Variants in TAX1BP1 observed in about 807,000 individuals in gnomAD.
The protein encoded by TAX1BP1 is tax1-binding protein 1.
A neutral mutation model predicts 97.7 loss-of-function variants in TAX1BP1; 62 were observed. The ratio of observed to expected loss-of-function variants is 0.63; its 90% CI spans 0.52 to 0.78. The LOEUF (loss-of-function observed/expected upper bound fraction) is 0.78. Among genes scored for constraint, TAX1BP1 ranks in the 30% least tolerant of loss-of-function variants. The pLI, the probability that TAX1BP1 is intolerant of heterozygous loss-of-function variation, is 0.00. For synonymous variants in TAX1BP1, 340 were observed against 304.2 expected (o/e 1.12, Z -1.23); for missense variants, 867 against 916.1 (o/e 0.95, Z 0.69).
chr7:27,817,075 T>A, intron 15 of TAX1BP1, 37 bp downstream of exon 15: 1 of 1,585,472 alleles, frequency 6.3e-7, no homozygotes, highest in Non-Finnish European at 8.5e-7. Flanking sequence ...CTGTCCCTTT[T>A]TTATTTTTTA....
At chr7:27,740,538 G>A (rs1474865414) in intron 1 of TAX1BP1, 1 of 152,356 alleles carries the variant, frequency 6.6e-6, no homozygotes, top group African/African-American at 2.4e-5. Flanking sequence ...GAGGCCCGTG[G>A]GACAGGCCTT....
intron 5 of TAX1BP1, chr7:27,772,453 C>T (rs1788881897): frequency 6.6e-6 from 1 of 152,006 alleles, no homozygotes; most frequent in African/African-American, 2.4e-5. Context: ...ATGTAATAAG[C>T]AGAGACCTTC....
chr7:27,812,026 T>TG (rs1257078855), intron 13 of TAX1BP1, among the ~76,000 whole-genome samples: 1 of 152,226 alleles, frequency 6.6e-6, no homozygotes, highest in African/African-American at 2.4e-5. Context: ...GGAGTGGAAT[T>TG]GCGGGCTTAT....
intron 5 of TAX1BP1, among the ~76,000 whole-genome samples, chr7:27,780,422 C>T (rs933322771): frequency 3.3e-5 from 5 of 152,120 alleles, no homozygotes; most frequent in Admixed American, 1.3e-4. Flanking sequence ...CTCATGTGAA[C>T]GAGCCTTATA....
chr7:27,816,799 G>T, intron 14 of TAX1BP1, 91 bp from the exon 15 acceptor site: 2 of 1,469,108 alleles, frequency 1.4e-6, no homozygotes, highest in Non-Finnish European at 1.8e-6. Context: ...ATGCCAAAGT[G>T]GTTCTTTATA....
At chr7:27,790,384 G>T (rs147697049) in intron 8 of TAX1BP1, among the ~76,000 whole-genome samples, 1 of 151,660 alleles carries the variant, frequency 6.6e-6, no homozygotes, top group Non-Finnish European at 1.5e-5. Flanking sequence ...TTTATAATCC[G>T]TAGAATAAGT....
At position 27,769,832 on chromosome 7, in the gene TAX1BP1, A is replaced by G; in HGVS notation, c.610A>G (p.Lys204Glu). 1 of 1,611,740 alleles carries G rather than the reference A, an allele frequency of 6.2e-7. No individual in the cohort carries two copies. Among genetic ancestry groups the G allele is most frequent in the Non-Finnish European group, 8.5e-7 (1 of 1,178,514 alleles). ...ERCDQLQAEQ[K>E]GLTEVTQSLK... ...ATGTGACCAACTGCAAGCAGAACAA[A>G]AGGTTAGTTGTGTCTTATGTAACTG... Residue 204 changes from lysine (K) to glutamate (E), a missense_variant and splice_region_variant, in exon 5 of 17, where the codon AAG becomes GAG. Lys to Glu is a moderately conservative substitution (Grantham distance 56). Around this residue, in one of 3 missense-constraint regions of TAX1BP1, gnomAD observed 822 missense variants for 851.4 expected, o/e 0.97. Transcript: ENST00000396319.
intron 13 of TAX1BP1, among the ~76,000 whole-genome samples, chr7:27,810,227 T>C (rs1790505984): frequency 6.6e-6 from 1 of 150,722 alleles, no homozygotes; most frequent in Non-Finnish European, 1.5e-5. Context: ...TTTTGAATCG[T>C]GTTTGAAATG....
intron 13 of TAX1BP1, chr7:27,803,193 G>A (rs745894116): frequency 1.3e-5 from 20 of 1,520,182 alleles, no homozygotes; most frequent in Non-Finnish European, 1.7e-5. Context: ...ATTGAGCAAT[G>A]TAGTTAAACA....
At position 27,742,168 on chromosome 7, in the gene TAX1BP1, C is replaced by T. The variant is rs185902677; in HGVS notation, c.-8+1899C>T. Among the ~76,000 whole-genome samples, 1,469 of 152,270 alleles carry T rather than the reference C, an allele frequency of 9.6e-3. 16 individuals carry two copies. The highest frequency in any genetic ancestry group is 0.03 in the African/African-American group (1,226 of 41,544). ...TCTCAACTGCAAGAGGCATGCCTTC[C>T]TCTTATACTAATCCTCCTCAGCACA... is the stretch of plus-strand genomic sequence containing the variant. On this transcript the variant is annotated intron_variant, in intron 1 of 16. Coordinates refer to ENST00000396319, the MANE Select transcript of TAX1BP1 (RefSeq NM_006024.7).
At chr7:27,749,567 G>A (rs1016295517) in intron 2 of TAX1BP1, among the ~76,000 whole-genome samples, 1 of 152,206 alleles carries the variant, frequency 6.6e-6, no homozygotes, top group African/African-American at 2.4e-5. Flanking sequence ...GTGTCTAGAA[G>A]TAAAAGTCCA....
rs967511415 is a variant in TAX1BP1 at position 27,758,980 on chromosome 7, A to T, written c.265+847A>T. Reference sequence around the variant, plus strand: ...TAAATTTTATGTGTTTTTTAGCACAACTTAAAAACTTGAAAAAAAAATAAC... The same window carrying T: ...TAAATTTTATGTGTTTTTTAGCACATCTTAAAAACTTGAAAAAAAAATAAC... On this transcript the variant is annotated intron_variant, in intron 3 of 16. Transcript: ENST00000396319. 3.5e-5 allele frequency among the ~76,000 whole-genome samples: 5 copies of T among 143,938 alleles called. No homozygotes were observed. The East Asian group carries it at 1.2e-3, about 35-fold the overall frequency. The allele number at this position is 143,938 out of a possible 152,430, so 94.4% of individuals were successfully genotyped here. A position where few individuals can be genotyped will look rare whatever the true frequency, so the allele number is the denominator to read the frequency against.
intron 2 of TAX1BP1, among the ~76,000 whole-genome samples, chr7:27,756,689 T>C (rs1292428077): frequency 6.6e-6 from 1 of 152,086 alleles, no homozygotes. Context: ...ATTCATGGAG[T>C]GTTTGCCATG....
intron 2 of TAX1BP1, among the ~76,000 whole-genome samples, 159 bp from the exon 3 acceptor site, chr7:27,757,872 T>C (rs186293509): frequency 1.7e-4 from 26 of 152,286 alleles, no homozygotes; most frequent in African/African-American, 6.0e-4. Context: ...TGTAGTTTAA[T>C]TTAGAAATAA....
At chr7:27,746,583 A>C (rs1787829389) in intron 1 of TAX1BP1, among the ~76,000 whole-genome samples, 1 of 152,066 alleles carries the variant, frequency 6.6e-6, no homozygotes, top group African/African-American at 2.4e-5. Flanking sequence ...TGTAAATGCT[A>C]CCTGTTCATT....
chr7:27,807,366 C>G (rs954915574), intron 13 of TAX1BP1, among the ~76,000 whole-genome samples: 1 of 152,096 alleles, frequency 6.6e-6, no homozygotes, highest in African/African-American at 2.4e-5. Context: ...CCTCCCTGAT[C>G]TAGGATCCAA....
intron 7 of TAX1BP1, 33 bp from the exon 8 acceptor site, chr7:27,787,385 G>T: frequency 6.5e-7 from 1 of 1,544,386 alleles, no homozygotes; most frequent in South Asian, 1.3e-5. Flanking sequence ...CATGGAGTTA[G>T]AATATTCTTG....
At chr7:27,822,298 T>A (rs1010523070) in intron 15 of TAX1BP1, among the ~76,000 whole-genome samples, 1 of 152,226 alleles carries the variant, frequency 6.6e-6, no homozygotes, top group African/African-American at 2.4e-5. Context: ...GGCTATGGCA[T>A]ACGTGCTTTT....
At position 27,816,896 on chromosome 7, in the gene TAX1BP1, C is replaced by A. The variant is rs375645372; in HGVS notation, c.1943C>A (p.Ala648Glu). The change falls in exon 15 of 17, where the codon GCA becomes GAA. Residue 648 changes from alanine to glutamate, a missense_variant. This residue lies in a region of TAX1BP1 where 822 missense variants were observed against 851.4 expected (regional missense o/e 0.97). Transcript: ENST00000396319. ...TCCAAAAATTTTATTACAGATGGAGCAGATGGTGCTTTTTACCCAGATGAA... is the reference window on the plus strand; with the variant it reads ...TCCAAAAATTTTATTACAGATGGAGAAGATGGTGCTTTTTACCCAGATGAA... ...PYASQETRDG[A>E]DGAFYPDEIQ... 2.2e-5 allele frequency: 35 copies of A among 1,613,708 alleles called. No homozygotes were observed. The highest frequency in any genetic ancestry group is 3.0e-5 in the Non-Finnish European group (35 of 1,179,936).
Sources: allele counts gnomAD v4.1 joint callset (sites outside exome capture counted in the v4.1 genomes callset), GRCh38; gene constraint gnomAD v4.1.1; regional missense constraint gnomAD v4.1.1; transcripts MANE v1.5; gene names NCBI Gene and HGNC (gene_info 2026-07-23, HGNC 2026-07-21).